ME1: variants seen among roughly 807,000 people sequenced by gnomAD.
ME1 encodes malic enzyme 1.
Under a neutral mutation model 66.4 loss-of-function variants are expected in ME1, and 74 were observed. The observed-to-expected ratio is 1.11, with a 90% CI of 0.92 to 1.35. The LOEUF (loss-of-function observed/expected upper bound fraction) is 1.35, where lower values mean the gene tolerates loss of function less well. Ranked by LOEUF, ME1 falls within the 40% of genes most tolerant of loss-of-function variation. The probability of loss-of-function intolerance (pLI) is 0.00; values close to 1 mark genes in which losing one functional copy is unlikely to be tolerated. For synonymous variants in ME1, 251 were observed against 235.6 expected (o/e 1.07, Z -0.60); for missense variants, 750 against 694.1 (o/e 1.08, Z -0.90).
intron 12 of ME1, among the ~76,000 whole-genome samples, chr6:83,222,515 T>G (rs1478165477): frequency 6.6e-6 from 1 of 152,230 alleles, no homozygotes; most frequent in Admixed American, 6.5e-5. Flanking sequence ...AAAGGTTTAA[T>G]CGTAAGAAAA....
At chr6:83,359,149 C>A (rs1004193291) in intron 3 of ME1, among the ~76,000 whole-genome samples, 6 of 151,596 alleles carry the variant, frequency 4.0e-5, no homozygotes, top group Admixed American at 1.3e-4. Context: ...GCACTCCTCA[C>A]TTCCCAGACA....
chr6:83,214,896 T>C (rs536942615), intron 13 of ME1, among the ~76,000 whole-genome samples: 91 of 152,314 alleles, frequency 6.0e-4, no homozygotes, highest in African/African-American at 2.1e-3. Context: ...TCTTCCATTA[T>C]TCTAGGTGTG....
chr6:83,394,302 T>C (rs776775548), intron 3 of ME1, among the ~76,000 whole-genome samples: 1 of 152,220 alleles, frequency 6.6e-6, no homozygotes, highest in Admixed American at 6.5e-5. Flanking sequence ...TAGAAGAAGA[T>C]AATCCGAATG....
intron 6 of ME1, among the ~76,000 whole-genome samples, chr6:83,308,202 T>C (rs1144184): frequency 0.48 from 72,989 of 151,914 alleles, 19,230 homozygotes; most frequent in African/African-American, 0.7. Context: ...GTATAATAAC[T>C]ACGTTTGTGG....
chr6:83,253,115 G>T (rs1790751981), intron 7 of ME1, among the ~76,000 whole-genome samples: 1 of 152,014 alleles, frequency 6.6e-6, no homozygotes, highest in Non-Finnish European at 1.5e-5. Context: ...TGTATTGGGG[G>T]GTGGGCTCTG....
intron 5 of ME1, among the ~76,000 whole-genome samples, chr6:83,323,209 T>C (rs1344223602): frequency 2.6e-5 from 4 of 151,896 alleles, no homozygotes; most frequent in African/African-American, 7.3e-5. Context: ...CAAACCAAAA[T>C]GTAAAGACCA....
chr6:83,213,820 G>C (rs1242386170), intron 13 of ME1, among the ~76,000 whole-genome samples: 1 of 152,000 alleles, frequency 6.6e-6, no homozygotes, highest in Non-Finnish European at 1.5e-5. Context: ...ATTATGAAAT[G>C]TCTATGAAAA....
chr6:83,403,300 T>C (rs1004789781), intron 2 of ME1, among the ~76,000 whole-genome samples: 2 of 152,120 alleles, frequency 1.3e-5, no homozygotes, highest in Admixed American at 1.3e-4. Flanking sequence ...ATGACAAAAA[T>C]ACCATAGACT....
At chr6:83,403,823 C>T (rs1429913061) in intron 2 of ME1, among the ~76,000 whole-genome samples, 1 of 152,162 alleles carries the variant, frequency 6.6e-6, no homozygotes, top group East Asian at 1.9e-4. Context: ...CTGCAAAGGA[C>T]ATTAACTCAT....
At chr6:83,263,799 AT>A (rs1229843408) in intron 6 of ME1, among the ~76,000 whole-genome samples, 4 of 148,238 alleles carry the variant, frequency 2.7e-5, no homozygotes, top group African/African-American at 7.5e-5. Flanking sequence ...ATAACATAAC[AT>A]AACATAACAT....
At chr6:83,366,999 TATA>T (rs1769112113) in intron 3 of ME1, among the ~76,000 whole-genome samples, 2 of 152,170 alleles carry the variant, frequency 1.3e-5, no homozygotes, top group South Asian at 4.1e-4. Context: ...GTATTTCTTA[TATA>T]ATAAGACTTG....
chr6:83,247,227 CT>C (rs1397698507), intron 7 of ME1, among the ~76,000 whole-genome samples: 1 of 151,912 alleles, frequency 6.6e-6, no homozygotes, highest in African/African-American at 2.4e-5. Flanking sequence ...AGAAAAATTT[CT>C]TTTTGTAGCT....
At chr6:83,395,440 A>G (rs776936476) in intron 3 of ME1, among the ~76,000 whole-genome samples, 3 of 151,832 alleles carry the variant, frequency 2.0e-5, no homozygotes, top group Admixed American at 1.3e-4. Flanking sequence ...AAGGGAACCC[A>G]AATTGATTTG....
chr6:83,370,322 A>G (rs1769172098), intron 3 of ME1, among the ~76,000 whole-genome samples: 1 of 152,162 alleles, frequency 6.6e-6, no homozygotes, highest in Admixed American at 6.5e-5. Context: ...AGTCAACTTT[A>G]CTTACACTGT....
intron 6 of ME1, among the ~76,000 whole-genome samples, chr6:83,258,278 ACT>A (rs1243711838): frequency 3.3e-5 from 5 of 152,106 alleles, no homozygotes; most frequent in African/African-American, 1.2e-4. Context: ...CTGGTAGTTA[ACT>A]CTGATTTGAC....
At chr6:83,373,305 A>G (rs1316127586) in intron 3 of ME1, among the ~76,000 whole-genome samples, 1 of 151,812 alleles carries the variant, frequency 6.6e-6, no homozygotes, top group East Asian at 1.9e-4. Context: ...GTGCGATCTC[A>G]GCTCACTGCA....
At chr6:83,391,806 C>T (rs1254615709) in intron 3 of ME1, among the ~76,000 whole-genome samples, 1 of 152,114 alleles carries the variant, frequency 6.6e-6, no homozygotes, top group African/African-American at 2.4e-5. Flanking sequence ...TTCTGTCTGG[C>T]ATGTTTCCAC....
chr6:83,343,022 A>G (rs1228023041), intron 5 of ME1, among the ~76,000 whole-genome samples: 1 of 152,108 alleles, frequency 6.6e-6, no homozygotes, highest in Admixed American at 6.5e-5. Context: ...TAGCATTTCA[A>G]GTCTTCTCTT....
intron 3 of ME1, among the ~76,000 whole-genome samples, chr6:83,359,929 C>G (rs113571257): frequency 6.6e-6 from 1 of 152,182 alleles, no homozygotes; most frequent in African/African-American, 2.4e-5. Flanking sequence ...AACCTTCAAA[C>G]GCAAGGTGGG....
Sources: allele counts gnomAD v4.1 joint callset (sites outside exome capture counted in the v4.1 genomes callset), GRCh38; gene constraint gnomAD v4.1.1; transcripts MANE v1.5; gene names NCBI Gene and HGNC (gene_info 2026-07-23, HGNC 2026-07-21).